The following EXOC6B variants were observed in gnomAD, a reference collection of about 807,000 sequenced individuals.
EXOC6B encodes SEC15 homolog B.
A neutral mutation model predicts 113.5 loss-of-function variants in EXOC6B; 54 were observed. The ratio of observed to expected loss-of-function variants is 0.48; its 90% confidence interval spans 0.38 to 0.60. The LOEUF is 0.60. Ranked by LOEUF, EXOC6B falls within the 20% of genes least tolerant of loss-of-function variation. The pLI, the probability that EXOC6B is intolerant of heterozygous loss-of-function variation, is 0.00. For missense variants in EXOC6B, 797 were observed against 977.5 expected, an observed-to-expected ratio of 0.82 and a Z score of 2.46; for synonymous variants, 357 against 339.0, an observed-to-expected ratio of 1.05 and a Z score of -0.58.
intron 20 of EXOC6B, among the ~76,000 whole-genome samples, chr2:72,291,723 A>C (rs1027153124): frequency 1.3e-5 from 2 of 152,204 alleles, no homozygotes; most frequent in Non-Finnish European, 2.9e-5. Flanking sequence ...AAAAGCTGGA[A>C]TCAAGTCACA....
At chr2:72,485,165 C>G (rs1274054185) in intron 16 of EXOC6B, among the ~76,000 whole-genome samples, 1 of 152,174 alleles carries the variant, frequency 6.6e-6, no homozygotes, top group African/African-American at 2.4e-5. Context: ...GAACCTGAAC[C>G]ATGATGACAT....
intron 20 of EXOC6B, among the ~76,000 whole-genome samples, chr2:72,265,467 T>C (rs1300159733): frequency 2.0e-5 from 3 of 149,104 alleles, no homozygotes; most frequent in Admixed American, 1.3e-4. Flanking sequence ...TGTGTTTTCA[T>C]TGTTCAATTC....
intron 17 of EXOC6B, among the ~76,000 whole-genome samples, chr2:72,475,332 C>A (rs893781808): frequency 6.6e-6 from 1 of 152,168 alleles, no homozygotes; most frequent in Non-Finnish European, 1.5e-5. Context: ...ATGGCAGTGG[C>A]AGAAACATCC....
At chr2:72,693,157 A>G (rs1005297835) in intron 6 of EXOC6B, among the ~76,000 whole-genome samples, 5 of 152,196 alleles carry the variant, frequency 3.3e-5, no homozygotes, top group Non-Finnish European at 7.3e-5. Flanking sequence ...CCCCACATCC[A>G]AAGAAGGAAA....
chr2:72,382,759 G>A (rs1351662719), intron 18 of EXOC6B, among the ~76,000 whole-genome samples: 2 of 152,034 alleles, frequency 1.3e-5, no homozygotes, highest in African/African-American at 4.8e-5. Flanking sequence ...ATGGTTAGCT[G>A]TATTTCTAGG....
intron 11 of EXOC6B, among the ~76,000 whole-genome samples, chr2:72,511,837 ACT>A (rs955713492): frequency 6.6e-6 from 1 of 151,996 alleles, no homozygotes; most frequent in African/African-American, 2.4e-5. Flanking sequence ...CACAGTATTT[ACT>A]CTGTCTGGAA....
chr2:72,513,166 A>C lies in EXOC6B; in HGVS notation c.1133T>G (p.Leu378Arg). The C allele has an allele frequency of 6.2e-7, 1 of 1,613,362 alleles. No homozygotes were observed. The highest frequency in any genetic ancestry group is 1.1e-5 in the South Asian group (1 of 91,056). Reference protein sequence around the residue: ...AYIDELWEMALSKTIAALRTH... With the variant: ...AYIDELWEMARSKTIAALRTH... ...ACGGAGTGCTGCGATGGTTTTTGAA[A>C]GTGCCATTTCCCACAGTTCATCAAT... The change falls in exon 11 of 22, where the codon CTT (leucine) becomes CGT (arginine). Residue 378 changes from leucine to arginine, a missense_variant. Coordinates refer to ENST00000272427, the MANE Select transcript of EXOC6B (RefSeq NM_015189.3).
chr2:72,564,034 A>G (rs1704028508), intron 7 of EXOC6B, among the ~76,000 whole-genome samples: 1 of 152,164 alleles, frequency 6.6e-6, no homozygotes, highest in Non-Finnish European at 1.5e-5. Context: ...AATTATCTGC[A>G]GGTAAAAATA....
chr2:72,629,612 T>C (rs1672264469), intron 6 of EXOC6B, among the ~76,000 whole-genome samples: 1 of 152,206 alleles, frequency 6.6e-6, no homozygotes, highest in African/African-American at 2.4e-5. Flanking sequence ...AGCAGCAATC[T>C]TCTGTTCTCA....
intron 1 of EXOC6B, among the ~76,000 whole-genome samples, chr2:72,817,981 A>T (rs888250764): frequency 2.6e-5 from 4 of 151,628 alleles, no homozygotes; most frequent in Non-Finnish European, 1.5e-5. Context: ...TGTTGTTGTC[A>T]TTGTTTTTGA....
At position 72,480,676 on chromosome 2, in the gene EXOC6B, G is replaced by A. The variant is rs1699028052; in HGVS notation, c.1740C>T (p.Ile580=). 1 of 1,592,576 alleles carries A rather than the reference G, an allele frequency of 6.3e-7. No individual in the cohort carries two copies. Among genetic ancestry groups the A allele is most frequent in the Non-Finnish European group, 8.6e-7 (1 of 1,168,100 alleles). ...GAACTGTCTCTGGAAGCACATTAGT[G>A]ATGTTGGTGATAAATTCTTCCAAGT... is the stretch of plus-strand genomic sequence containing the variant. ...CKYLEEFITN[I]TNVLPETVHT... The change falls in exon 17 of 22, where the codon ATC becomes ATT. Residue 580 remains isoleucine, a synonymous_variant. Transcript: ENST00000272427.
intron 8 of EXOC6B, among the ~76,000 whole-genome samples, chr2:72,535,826 C>T (rs1193401238): frequency 6.7e-6 from 1 of 150,354 alleles, no homozygotes; most frequent in African/African-American, 2.5e-5. Context: ...GCCAAGATTG[C>T]GCCATTGCAC....
intron 1 of EXOC6B, among the ~76,000 whole-genome samples, chr2:72,815,612 A>T (rs1172729910): frequency 6.6e-6 from 1 of 152,198 alleles, no homozygotes; most frequent in Admixed American, 6.5e-5. Context: ...TAAGAAAAAT[A>T]AAAATAAAAA....
At chr2:72,373,029 T>C (rs1019726795) in intron 19 of EXOC6B, among the ~76,000 whole-genome samples, 10 of 151,810 alleles carry the variant, frequency 6.6e-5, no homozygotes, top group African/African-American at 9.7e-5. Context: ...CAAGAAAACA[T>C]TGAGGAAACT....
chr2:72,677,224 G>A (rs778598478), intron 6 of EXOC6B, among the ~76,000 whole-genome samples: 6 of 152,092 alleles, frequency 3.9e-5, no homozygotes, highest in African/African-American at 7.2e-5. Context: ...GGGGGAATGA[G>A]TGTAGGATAG....
intron 16 of EXOC6B, among the ~76,000 whole-genome samples, chr2:72,490,070 A>T (rs1273168196): frequency 1.3e-5 from 2 of 152,200 alleles, no homozygotes; most frequent in African/African-American, 4.8e-5. Flanking sequence ...AGGAATCTGT[A>T]AATTTTGTGG....
intron 19 of EXOC6B, among the ~76,000 whole-genome samples, chr2:72,372,020 T>C (rs1691055189): frequency 6.6e-6 from 1 of 152,170 alleles, no homozygotes; most frequent in African/African-American, 2.4e-5. Flanking sequence ...CATTTCTATA[T>C]GCCAACAGTG....
chr2:72,800,901 T>A (rs1263049095), intron 1 of EXOC6B, among the ~76,000 whole-genome samples: 2 of 152,186 alleles, frequency 1.3e-5, no homozygotes. Flanking sequence ...ACTTTCTCCA[T>A]CTACCTAAAG....
chr2:72,215,151 T>G (rs1238437941), intron 20 of EXOC6B, among the ~76,000 whole-genome samples: 1 of 152,184 alleles, frequency 6.6e-6, no homozygotes, highest in African/African-American at 2.4e-5. Flanking sequence ...TCCACTTGCC[T>G]ACTTAAGGGA....
Sources: allele counts gnomAD v4.1 joint callset (sites outside exome capture counted in the v4.1 genomes callset), GRCh38; gene constraint gnomAD v4.1.1; transcripts MANE v1.5; gene names NCBI Gene and HGNC (gene_info 2026-07-23, HGNC 2026-07-21).